NAV2: variants seen among roughly 807,000 people sequenced by gnomAD.
The protein encoded by NAV2 is neuron navigator 2.
A neutral mutation model predicts 223.2 loss-of-function variants in NAV2; 54 were observed. The observed-to-expected ratio is 0.24, with a 90% CI of 0.19 to 0.30. The LOEUF (loss-of-function observed/expected upper bound fraction) is 0.30, where lower values mean the gene tolerates loss of function less well. Ranked by LOEUF, NAV2 falls within the 10% of genes least tolerant of loss-of-function variation. The pLI, the probability that NAV2 is intolerant of heterozygous loss-of-function variation, is 1.00. For missense variants in NAV2, 2,806 were observed against 3,147.5 expected (o/e 0.89, Z 2.60); for synonymous variants, 1,279 against 1,239.3 (o/e 1.03, Z -0.67).
chr11:19,791,203 C>A (rs11600637), intron 1 of NAV2, among the ~76,000 whole-genome samples: 49,816 of 152,032 alleles, frequency 0.33, 8,860 homozygotes, highest in East Asian at 0.7. Context: ...GTCCTGCCCA[C>A]GTGGACATCA....
In NAV2 at chr11:19,458,951, C is replaced by T. The variant is rs115348284; in HGVS notation, c.75+107924C>T. 8.6e-3 allele frequency among the ~76,000 whole-genome samples: 1,314 copies of T among 152,350 alleles called. 22 individuals are homozygous for T. The highest frequency in any genetic ancestry group is 0.03 in the African/African-American group (1,249 of 41,580). ...ACTGTTGCAGAGACAGCATGAGCCA[C>T]AGCAGGGAGTCTTGAGTGTGCGTGA... On this transcript the variant is annotated intron_variant, in intron 1 of 37. Transcript: ENST00000360655.
intron 6 of NAV2, among the ~76,000 whole-genome samples, chr11:19,904,426 TACTATGA>T (rs2042697123): frequency 6.6e-6 from 1 of 151,254 alleles, no homozygotes; most frequent in Non-Finnish European, 1.5e-5. Context: ...AAAAGAGGGG[TACTATGA>T]ATGAACTTAA....
At chr11:19,355,996 T>A (rs1853594373) in intron 1 of NAV2, among the ~76,000 whole-genome samples, 1 of 152,192 alleles carries the variant, frequency 6.6e-6, no homozygotes, top group Non-Finnish European at 1.5e-5. Flanking sequence ...TGAGCTGAAA[T>A]GCTTGTTTCC....
chr11:19,929,057 C>T (rs1028648966), intron 6 of NAV2, among the ~76,000 whole-genome samples: 1 of 152,006 alleles, frequency 6.6e-6, no homozygotes, highest in Non-Finnish European at 1.5e-5. Context: ...GAGTTTGAGA[C>T]CAGCTTGGGC....
intron 10 of NAV2, among the ~76,000 whole-genome samples, chr11:19,956,388 ACACACACG>A (rs2047874338): frequency 7.0e-6 from 1 of 142,650 alleles, no homozygotes; most frequent in East Asian, 2.0e-4. Flanking sequence ...ACACACACAC[ACACACACG>A]CTCTCTCTCT....
intron 1 of NAV2, among the ~76,000 whole-genome samples, chr11:19,534,797 C>T (rs2044135569): frequency 6.6e-6 from 1 of 152,206 alleles, no homozygotes; most frequent in Non-Finnish European, 1.5e-5. Flanking sequence ...CTATAGCAAA[C>T]AGGACCCAAG....
chr11:19,751,410 G>C (rs1428203391), intron 1 of NAV2, among the ~76,000 whole-genome samples: 1 of 152,096 alleles, frequency 6.6e-6, no homozygotes, highest in African/African-American at 2.4e-5. Flanking sequence ...CAAGGTGTGG[G>C]GTACCCATAT....
intron 1 of NAV2, among the ~76,000 whole-genome samples, chr11:19,566,994 A>G (rs2045288341): frequency 6.6e-6 from 1 of 152,208 alleles, no homozygotes; most frequent in Non-Finnish European, 1.5e-5. Flanking sequence ...TTTGCAGGCA[A>G]TAAGGATACC....
At chr11:19,600,711 T>C (rs1014203828) in intron 1 of NAV2, among the ~76,000 whole-genome samples, 21 of 152,222 alleles carry the variant, frequency 1.4e-4, no homozygotes, top group African/African-American at 3.6e-4. Context: ...CTTTGTAGTA[T>C]TGTTTTTGAA....
intron 10 of NAV2, among the ~76,000 whole-genome samples, chr11:19,981,865 G>T (rs1231254564): frequency 3.9e-5 from 6 of 152,160 alleles, no homozygotes; most frequent in Non-Finnish European, 8.8e-5. Context: ...AGTTTAATTT[G>T]CTTGTCATAT....
intron 1 of NAV2, among the ~76,000 whole-genome samples, chr11:19,787,928 A>G (rs1438313053): frequency 6.6e-6 from 1 of 152,222 alleles, no homozygotes; most frequent in Non-Finnish European, 1.5e-5. Flanking sequence ...TTCCTGGCTC[A>G]GAGAGAGCAC....
intron 1 of NAV2, among the ~76,000 whole-genome samples, chr11:19,627,535 T>C (rs1373387860): frequency 6.6e-6 from 1 of 152,104 alleles, no homozygotes; most frequent in African/African-American, 2.4e-5. Flanking sequence ...ACCTCATCAG[T>C]CCCAGCAAAG....
intron 36 of NAV2, among the ~76,000 whole-genome samples, chr11:20,112,326 A>C (rs2062704146): frequency 6.6e-6 from 1 of 152,140 alleles, no homozygotes; most frequent in Non-Finnish European, 1.5e-5. Flanking sequence ...GCCCCAGGTT[A>C]AGGAAGACTT....
chr11:20,106,175 A>ATATATATATATATGTGTG (rs11267537), intron 35 of NAV2, among the ~76,000 whole-genome samples: 5 of 35,828 alleles, frequency 1.4e-4, no homozygotes, highest in East Asian at 1.1e-3. Context: ...ATATATATAT[A>ATATATATATATATGTGTG]TGTGTGTGTA....
chr11:19,922,186 T>A (rs1184791372), intron 6 of NAV2, among the ~76,000 whole-genome samples: 1 of 151,816 alleles, frequency 6.6e-6, no homozygotes, highest in Non-Finnish European at 1.5e-5. Flanking sequence ...GGTCTCTCAC[T>A]GTCCAGACAC....
At position 19,938,870 on chromosome 11, in the gene NAV2, T is replaced by C. The variant is rs76699786; in HGVS notation, c.2034-791T>C. On this transcript the variant is annotated intron_variant, in intron 7 of 37. Coordinates refer to ENST00000349880, the MANE Select transcript of NAV2 (RefSeq NM_145117.5). ...GGTCCATTCTCATTCTGGGCAAACG[T>C]TTTCTTCACAGGTAGTGAAATCGGT... 9.1e-3 allele frequency among the ~76,000 whole-genome samples: 1,390 copies of C among 152,326 alleles called. 5 individuals carry two copies. The highest frequency in any genetic ancestry group is 0.013 in the Non-Finnish European group (894 of 68,024).
chr11:19,860,217 G>A (rs1303372990), intron 3 of NAV2, among the ~76,000 whole-genome samples: 13 of 147,232 alleles, frequency 8.8e-5, no homozygotes, highest in Admixed American at 5.4e-4. Flanking sequence ...GGGCGGAGAC[G>A]CTCCTCACTT....
intron 1 of NAV2, among the ~76,000 whole-genome samples, chr11:19,398,680 G>T (rs993437117): frequency 4.6e-5 from 7 of 152,112 alleles, no homozygotes; most frequent in Middle Eastern, 3.2e-3. Flanking sequence ...CTGAAGCTCA[G>T]TTTCCCTTCT....
intron 1 of NAV2, among the ~76,000 whole-genome samples, chr11:19,421,871 G>A (rs1481712131): frequency 6.6e-6 from 1 of 151,190 alleles, no homozygotes; most frequent in Non-Finnish European, 1.5e-5. Flanking sequence ...AGGGGCAGTG[G>A]TGAGAATACA....
Sources: allele counts gnomAD v4.1 joint callset (sites outside exome capture counted in the v4.1 genomes callset), GRCh38; gene constraint gnomAD v4.1.1; transcripts MANE v1.5; gene names NCBI Gene and HGNC (gene_info 2026-07-23, HGNC 2026-07-21).